The following BDP1 variants were observed in gnomAD, a reference collection of about 807,000 sequenced individuals.
The protein encoded by BDP1 is transcription factor TFIIIB component B'' homolog.
In BDP1, 169 loss-of-function variants were observed where a neutral mutation model predicts 266.6. That is an observed-to-expected ratio of 0.63 (90% CI 0.56 to 0.72). BDP1 has a LOEUF of 0.72. Ranked by LOEUF, BDP1 falls within the 30% of genes least tolerant of loss-of-function variation. The pLI is 0.00. For missense variants in BDP1, 3,015 were observed against 3,053.8 expected, an observed-to-expected ratio of 0.99 and a Z score of 0.30; for synonymous variants, 1,090 against 1,022.4, an observed-to-expected ratio of 1.07 and a Z score of -1.26.
intron 13 of BDP1, among the ~76,000 whole-genome samples, chr5:71,498,745 A>G (rs1764046120): frequency 7.2e-6 from 1 of 138,718 alleles, no homozygotes; most frequent in Non-Finnish European, 1.5e-5. Context: ...TTTTTTTGAC[A>G]TAGGATCTCG....
intron 2 of BDP1, among the ~76,000 whole-genome samples, chr5:71,460,034 C>T (rs1761444149): frequency 6.6e-6 from 1 of 152,196 alleles, no homozygotes; most frequent in South Asian, 2.1e-4. Flanking sequence ...CTATCTAGCT[C>T]ATTAGAGGGT....
intron 25 of BDP1, among the ~76,000 whole-genome samples, chr5:71,527,034 C>T (rs566370429): frequency 6.6e-6 from 1 of 152,068 alleles, no homozygotes; most frequent in African/African-American, 2.4e-5. Flanking sequence ...AGAACATTCA[C>T]ATGTACGTGT....
Position 71,510,881 on chromosome 5 carries a change from C to A in BDP1, c.3789C>A (p.Pro1263=). 6.2e-7 allele frequency: 1 copy of A among 1,613,658 alleles called. No individual in the cohort carries two copies. Among genetic ancestry groups the A allele is most frequent in the Non-Finnish European group, 8.5e-7 (1 of 1,179,750 alleles). ...DLKETGKRDI[P]IMEKVSGKMA... The stretch of plus-strand genomic sequence containing the variant: ...AAGAAACTGGAAAAAGAGACATTCC[C>A]ATCATGGAGAAAGTATCAGGAAAGA... Residue 1263 remains proline (P), a synonymous_variant, in exon 17 of 39, where the codon CCC becomes CCA. Transcript: ENST00000358731.
At chr5:71,540,018 A>C (rs938754835) in intron 28 of BDP1, among the ~76,000 whole-genome samples, 3 of 152,120 alleles carry the variant, frequency 2.0e-5, no homozygotes, top group Non-Finnish European at 4.4e-5. Flanking sequence ...TTTGCAAAGG[A>C]GTTGCTGCTT....
Position 71,478,881 on chromosome 5 carries a change from T to C in BDP1, c.1015-4961T>C, listed in dbSNP as rs375493670. Among the ~76,000 whole-genome samples the C allele has an allele frequency of 5.9e-5, 9 of 152,244 alleles. No homozygotes were observed. In the East Asian group the frequency reaches 1.7e-3, roughly 29 times the overall value. ...AAGCTCTGACCACCTTTTTCCAATC[T>C]TTTTTCCTCCATTTCAGTTTTGATA... On this transcript the variant is annotated intron_variant, in intron 7 of 38. Transcript: ENST00000358731.
chr5:71,575,452 TAG>T, the BDP1 span, among the ~76,000 whole-genome samples: 3 of 152,194 alleles, frequency 2.0e-5, no homozygotes, highest in African/African-American at 7.2e-5. Flanking sequence ...GCAGGACACA[TAG>T]AGGAGTCAGT....
intron 34 of BDP1, 97 bp downstream of exon 34, chr5:71,549,703 T>C (rs1455833317): frequency 5.0e-6 from 5 of 996,726 alleles, no homozygotes; most frequent in Non-Finnish European, 7.0e-6. Flanking sequence ...TTAGTTGTTA[T>C]TGTTGTGGAG....
chr5:71,512,124 A>T (rs1764953800), intron 17 of BDP1, 117 bp from the exon 18 acceptor site: 4 of 506,586 alleles, frequency 7.9e-6, no homozygotes, highest in Admixed American at 7.5e-5. Context: ...TTCAAAAATT[A>T]AAAACTTCTA....
At chr5:71,488,877 T>G (rs1743260230) in intron 9 of BDP1, among the ~76,000 whole-genome samples, 1 of 151,994 alleles carries the variant, frequency 6.6e-6, no homozygotes, top group Non-Finnish European at 1.5e-5. Context: ...CCAGCTAATT[T>G]CTGTATTTTT....
intron 26 of BDP1, among the ~76,000 whole-genome samples, chr5:71,534,170 C>T (rs569192146): frequency 1.6e-4 from 24 of 152,292 alleles, no homozygotes; most frequent in African/African-American, 5.8e-4. Context: ...TTGTCAAACC[C>T]AAGGTCATGA....
In BDP1 at chr5:71,509,692, C is replaced by G. The variant is rs745659323; in HGVS notation, c.2600C>G (p.Thr867Ser). 29 of 1,613,492 alleles carry G rather than the reference C, an allele frequency of 1.8e-5. No homozygotes were observed. Among genetic ancestry groups the G allele is most frequent in the Non-Finnish European group, 2.4e-5 (28 of 1,179,930 alleles). ...GAGATGGTACCAGCAGAGATTAATA[C>G]TAAAGAAATGCAGTCAGATTTAAAA... ...PKEMVPAEIN[T>S]KEMQSDLKET... Residue 867 changes from threonine to serine, a missense_variant, in exon 17 of 39, where the codon ACT becomes AGT. Transcript: ENST00000358731.
chr5:71,464,696 C>A (rs560285642), intron 4 of BDP1, among the ~76,000 whole-genome samples: 1 of 142,094 alleles, frequency 7.0e-6, no homozygotes, highest in African/African-American at 2.6e-5. Flanking sequence ...TGTGCCACCA[C>A]GGTTGGCTAA....
chr5:71,459,610 T>A (rs1289912956), intron 2 of BDP1, among the ~76,000 whole-genome samples: 2 of 152,214 alleles, frequency 1.3e-5, no homozygotes, highest in Non-Finnish European at 2.9e-5. Flanking sequence ...ATGCATATAT[T>A]AGAGTCCATG....
At chr5:71,465,287 T>C (rs1761836707) in intron 4 of BDP1, among the ~76,000 whole-genome samples, 2 of 151,980 alleles carry the variant, frequency 1.3e-5, no homozygotes. Flanking sequence ...TTATTATTAT[T>C]ATTATTTTTA....
At chr5:71,569,836 T>C (rs1043933994), downstream of BDP1, among the ~76,000 whole-genome samples, 1 of 151,706 alleles carries the variant, frequency 6.6e-6, no homozygotes, top group Non-Finnish European at 1.5e-5. Context: ...GATCCTAAGG[T>C]GTAACACCAA....
chr5:71,509,319 A>T, intron 16 of BDP1, 146 bp from the exon 17 acceptor site: 6 of 790,942 alleles, frequency 7.6e-6, no homozygotes, highest in Non-Finnish European at 1.1e-5. Flanking sequence ...TTTAATTTTT[A>T]AATTTTACCC....
At chr5:71,556,797 T>G (rs1369546189) in intron 35 of BDP1, 89 bp from the exon 36 acceptor site, 2 of 626,724 alleles carry the variant, frequency 3.2e-6, no homozygotes, top group African/African-American at 3.9e-5. Flanking sequence ...ATAACATAGT[T>G]TCTTTACTTA....
At position 71,539,640 on chromosome 5, in the gene BDP1, C is replaced by T. The variant is rs561445936; in HGVS notation, c.6013C>T (p.Gln2005Ter). 5.6e-6 allele frequency: 9 copies of T among 1,606,912 alleles called. No homozygotes were observed. The highest frequency in any genetic ancestry group is 1.1e-5 in the South Asian group (1 of 90,526). The change falls in exon 28 of 39, where the codon CAG (glutamine) becomes TAG (stop). Residue 2005 changes from glutamine to a stop codon, truncating the protein, a stop_gained. Transcript: ENST00000358731. LOFTEE classifies it high-confidence loss of function. ...LVLQSEISSE[Q>*]GDVGVCIIPH... is the part of the protein sequence containing the mutation. ...ATTGCAGTCAGAGATCAGTAGTGAA[C>T]AGGGTGATGGTAAGAATGAAAGCTA... is the stretch of plus-strand genomic sequence containing the variant.
At position 71,504,633 on chromosome 5, in the gene BDP1, A is replaced by G; in HGVS notation, c.2254A>G (p.Met752Val). 1.9e-6 allele frequency: 3 copies of G among 1,613,294 alleles called. No individual in the cohort carries two copies. Among genetic ancestry groups the G allele is most frequent in the Non-Finnish European group, 2.5e-6 (3 of 1,179,656 alleles). ...GTTTGTTTTTAAGACTCCTCAACAC[A>G]TGGAAGATCAATCGCGTAAAGATTT... ...SCADRDTPQHMEDQSRKDFEE... is the reference protein window; with the variant it reads ...SCADRDTPQHVEDQSRKDFEE... Residue 752 changes from methionine (M) to valine (V), a missense_variant, in exon 16 of 39, where the codon ATG becomes GTG. This residue lies in a region of BDP1 where 2,383 missense variants were observed against 2,404.9 expected (regional missense o/e 0.99). Coordinates refer to ENST00000358731, the MANE Select transcript of BDP1 (RefSeq NM_018429.3).
Sources: gnomAD v4.1 joint callset for allele counts (sites outside exome capture counted in the v4.1 genomes callset) on GRCh38, gnomAD v4.1.1 for gene constraint, gnomAD v4.1.1 regional missense constraint, MANE v1.5 for transcripts, NCBI Gene and HGNC (gene_info 2026-07-23, HGNC 2026-07-21) for gene names.